The following ANO2 variants were observed in gnomAD, a reference collection of about 807,000 sequenced individuals.
ANO2 encodes anoctamin-2.
A neutral mutation model predicts 124.2 loss-of-function variants in ANO2; 101 were observed. The ratio of observed to expected loss-of-function variants is 0.81; its 90% CI spans 0.69 to 0.96. The LOEUF (loss-of-function observed/expected upper bound fraction) is 0.96. ANO2 is among the 40% of genes least tolerant of loss of function. ANO2 has a pLI of 0.00. For missense variants in ANO2, 1,293 were observed against 1,274.5 expected, an observed-to-expected ratio of 1.01 and a Z score of -0.22; for synonymous variants, 486 against 482.5, an observed-to-expected ratio of 1.01 and a Z score of -0.09.
chr12:5,792,983 T>G (rs560777770), intron 10 of ANO2, among the ~76,000 whole-genome samples: 1 of 152,130 alleles, frequency 6.6e-6, no homozygotes, highest in Non-Finnish European at 1.5e-5. Context: ...AGAAGGACAA[T>G]CACGATGATA....
At chr12:5,725,231 A>G (rs1441759154) in intron 14 of ANO2, among the ~76,000 whole-genome samples, 1 of 152,096 alleles carries the variant, frequency 6.6e-6, no homozygotes, top group African/African-American at 2.4e-5. Flanking sequence ...ACACCCGCTC[A>G]AACACTCTCA....
At chr12:5,732,198 T>A (rs530190567) in intron 14 of ANO2, among the ~76,000 whole-genome samples, 2 of 152,294 alleles carry the variant, frequency 1.3e-5, no homozygotes, top group African/African-American at 4.8e-5. Context: ...TGGTGGTTGG[T>A]CTGGTGGGGT....
chr12:5,722,575 C>T (rs914812500), intron 14 of ANO2, among the ~76,000 whole-genome samples: 52 of 152,204 alleles, frequency 3.4e-4, no homozygotes, highest in African/African-American at 1.2e-3. Flanking sequence ...TACTGTGTGG[C>T]GGTGTACGGA....
At chr12:5,638,159 C>T (rs1021902469) in intron 15 of ANO2, among the ~76,000 whole-genome samples, 15 of 151,730 alleles carry the variant, frequency 9.9e-5, no homozygotes, top group African/African-American at 3.4e-4. Context: ...GTGATAACAT[C>T]ATCAATACCA....
chr12:5,603,944 CAAAAAAAAAAAAA>C (rs63415160), intron 19 of ANO2, among the ~76,000 whole-genome samples: 1 of 74,142 alleles, frequency 1.3e-5, no homozygotes, highest in African/African-American at 5.8e-5. Flanking sequence ...GATTCCGTCT[CAAAAAAAAAAAAA>C]AAAAAAAAGA....
At chr12:5,916,565 TGTCA>T (rs1164084962) in intron 3 of ANO2, among the ~76,000 whole-genome samples, 2 of 150,552 alleles carry the variant, frequency 1.3e-5, no homozygotes, top group Non-Finnish European at 3.0e-5. Flanking sequence ...AATGATAATG[TGTCA>T]GTATTAGTTC....
intron 9 of ANO2, among the ~76,000 whole-genome samples, chr12:5,804,301 CAGA>C (rs1418077237): frequency 1.6e-4 from 25 of 152,222 alleles, no homozygotes; most frequent in African/African-American, 6.0e-4. Flanking sequence ...TCTTGCTTAA[CAGA>C]AGAAGCTGTG....
intron 10 of ANO2, among the ~76,000 whole-genome samples, chr12:5,791,123 C>T (rs2137149392): frequency 6.6e-6 from 1 of 152,244 alleles, no homozygotes; most frequent in East Asian, 1.9e-4. Context: ...AAACCAGACT[C>T]CAGGATGAAC....
At chr12:5,657,004 G>A (rs1315336378) in intron 14 of ANO2, among the ~76,000 whole-genome samples, 1 of 152,216 alleles carries the variant, frequency 6.6e-6, no homozygotes, top group Non-Finnish European at 1.5e-5. Flanking sequence ...CCAAATGCCT[G>A]TGGTCAGAGA....
chr12:5,810,969 C>G (rs1422625891), intron 7 of ANO2, among the ~76,000 whole-genome samples: 1 of 152,176 alleles, frequency 6.6e-6, no homozygotes, highest in Non-Finnish European at 1.5e-5. Context: ...AGCCTGAGAC[C>G]TAGCATTAAG....
intron 7 of ANO2, among the ~76,000 whole-genome samples, chr12:5,816,354 T>C (rs796512604): frequency 3.3e-5 from 5 of 151,820 alleles, no homozygotes; most frequent in African/African-American, 1.2e-4. Context: ...ATAAGATTGG[T>C]AAGTTCACCA....
intron 14 of ANO2, among the ~76,000 whole-genome samples, chr12:5,683,112 T>G (rs1948568754): frequency 6.6e-6 from 1 of 152,212 alleles, no homozygotes; most frequent in South Asian, 2.1e-4. Context: ...CTGTGCACTC[T>G]GAAGTAGATG....
intron 1 of ANO2, among the ~76,000 whole-genome samples, chr12:5,923,260 A>ACG (rs1941914320): frequency 1.2e-4 from 1 of 8,060 alleles, no homozygotes; most frequent in Non-Finnish European, 2.8e-4. Flanking sequence ...ACACACATAC[A>ACG]CACACACACA....
At chr12:5,755,958 T>G (rs1036685323) in intron 10 of ANO2, among the ~76,000 whole-genome samples, 1 of 152,194 alleles carries the variant, frequency 6.6e-6, no homozygotes, top group African/African-American at 2.4e-5. Context: ...TCTTTTTCTT[T>G]CTTTAGTCTC....
intron 3 of ANO2, among the ~76,000 whole-genome samples, chr12:5,881,543 C>T (rs1442022929): frequency 6.6e-6 from 1 of 152,190 alleles, no homozygotes; most frequent in East Asian, 1.9e-4. Context: ...TGGGGCTATA[C>T]AGCATGCTCA....
intron 14 of ANO2, among the ~76,000 whole-genome samples, chr12:5,709,911 G>C (rs1343213518): frequency 6.6e-6 from 1 of 152,166 alleles, no homozygotes; most frequent in South Asian, 2.1e-4. Flanking sequence ...ACAGTGGTGG[G>C]AAATAGAAAA....
At chr12:5,664,920 G>A (rs749334426) in intron 14 of ANO2, among the ~76,000 whole-genome samples, 16 of 152,188 alleles carry the variant, frequency 1.1e-4, no homozygotes, top group Non-Finnish European at 1.9e-4. Flanking sequence ...AAACTTTTTG[G>A]TGGCAAAATA....
intron 14 of ANO2, among the ~76,000 whole-genome samples, chr12:5,682,649 C>T (rs1948548121): frequency 6.6e-6 from 1 of 152,172 alleles, no homozygotes; most frequent in Non-Finnish European, 1.5e-5. Flanking sequence ...ATTGGAAGAG[C>T]CCTGTATGTG....
At chr12:5,676,828 C>A (rs1403592932) in intron 14 of ANO2, among the ~76,000 whole-genome samples, 1 of 152,040 alleles carries the variant, frequency 6.6e-6, no homozygotes, top group African/African-American at 2.4e-5. Flanking sequence ...CCGAGCCAGG[C>A]AGATCACTTG....
Sources: gnomAD v4.1 joint callset for allele counts (sites outside exome capture counted in the v4.1 genomes callset) on GRCh38, gnomAD v4.1.1 for gene constraint, MANE v1.5 for transcripts, NCBI Gene and HGNC (gene_info 2026-07-23, HGNC 2026-07-21) for gene names.